Variants in ST6GALNAC3 observed in about 807,000 individuals in gnomAD.
The protein encoded by ST6GALNAC3 is ST6 N-acetylgalactosaminide alpha-2,6-sialyltransferase 3.
Under a neutral mutation model 32.7 loss-of-function variants are expected in ST6GALNAC3, and 25 were observed. The ratio of observed to expected loss-of-function variants is 0.76; its 90% confidence interval spans 0.56 to 1.07. The LOEUF is 1.07. Among genes scored for constraint, ST6GALNAC3 ranks in the 50% least tolerant of loss-of-function variants. The pLI is 0.00. For synonymous variants in ST6GALNAC3, 129 were observed against 133.1 expected (o/e 0.97, Z 0.21); for missense variants, 355 against 382.4 (o/e 0.93, Z 0.60).
chr1:76,282,211 A>G (rs1436859248), intron 1 of ST6GALNAC3, among the ~76,000 whole-genome samples: 1 of 151,790 alleles, frequency 6.6e-6, no homozygotes, highest in Non-Finnish European at 1.5e-5. Flanking sequence ...GAGACTGGTT[A>G]TATTAAGCTT....
intron 1 of ST6GALNAC3, among the ~76,000 whole-genome samples, chr1:76,111,874 A>G (rs1268550305): frequency 1.3e-5 from 2 of 152,036 alleles, no homozygotes; most frequent in Admixed American, 6.5e-5. Context: ...TGATTTCTCA[A>G]TCTTTTCCCC....
At chr1:76,233,805 T>C (rs1357779384) in intron 1 of ST6GALNAC3, among the ~76,000 whole-genome samples, 3 of 152,186 alleles carry the variant, frequency 2.0e-5, no homozygotes, top group Non-Finnish European at 2.9e-5. Context: ...AGTGGTGAAG[T>C]CTGGGAGGAA....
intron 1 of ST6GALNAC3, among the ~76,000 whole-genome samples, chr1:76,208,409 G>T (rs1570439694): frequency 6.6e-6 from 1 of 152,224 alleles, no homozygotes; most frequent in Admixed American, 6.5e-5. Context: ...TTGGTTAGAA[G>T]ATTAAAGTCT....
intron 1 of ST6GALNAC3, among the ~76,000 whole-genome samples, chr1:76,106,562 A>G (rs866091443): frequency 6.6e-6 from 1 of 152,022 alleles, no homozygotes; most frequent in African/African-American, 2.4e-5. Context: ...TTTGTGTAGG[A>G]ATTGGATGGT....
At chr1:76,130,986 C>T (rs1425411890) in intron 1 of ST6GALNAC3, among the ~76,000 whole-genome samples, 1 of 152,158 alleles carries the variant, frequency 6.6e-6, no homozygotes, top group African/African-American at 2.4e-5. Flanking sequence ...GAGAAGTGCC[C>T]CATTTGAAGG....
intron 3 of ST6GALNAC3, among the ~76,000 whole-genome samples, chr1:76,602,865 A>G (rs1247931310): frequency 6.6e-6 from 1 of 152,156 alleles, no homozygotes; most frequent in Non-Finnish European, 1.5e-5. Flanking sequence ...AGCATAAAGC[A>G]CACCTAAAAA....
At chr1:76,261,277 G>T (rs1331606334) in intron 1 of ST6GALNAC3, among the ~76,000 whole-genome samples, 1 of 152,092 alleles carries the variant, frequency 6.6e-6, no homozygotes. Context: ...GCCTTTTGTT[G>T]ATTTGGATAT....
chr1:76,162,355 A>G (rs1446904634), intron 1 of ST6GALNAC3, among the ~76,000 whole-genome samples: 1 of 152,240 alleles, frequency 6.6e-6, no homozygotes, highest in Non-Finnish European at 1.5e-5. Flanking sequence ...CTGCACCATG[A>G]AATGCCATTC....
At chr1:76,079,941 A>C (rs909066571) in intron 1 of ST6GALNAC3, among the ~76,000 whole-genome samples, 2 of 152,146 alleles carry the variant, frequency 1.3e-5, no homozygotes, top group Admixed American at 1.3e-4. Context: ...AGGTATTACC[A>C]TGTACTGTCA....
chr1:76,298,423 G>C (rs1660535955), intron 1 of ST6GALNAC3, among the ~76,000 whole-genome samples: 1 of 151,924 alleles, frequency 6.6e-6, no homozygotes, highest in Admixed American at 6.6e-5. Flanking sequence ...CAGCATGCAG[G>C]GCTGAAATGT....
At chr1:76,473,718 A>G (rs543261810) in intron 3 of ST6GALNAC3, among the ~76,000 whole-genome samples, 2 of 152,222 alleles carry the variant, frequency 1.3e-5, no homozygotes, top group East Asian at 3.9e-4. Context: ...TTATCTTGTG[A>G]TGATCAGATG....
chr1:76,522,754 C>T (rs928847924), intron 3 of ST6GALNAC3, among the ~76,000 whole-genome samples: 4 of 152,038 alleles, frequency 2.6e-5, no homozygotes, highest in African/African-American at 4.8e-5. Flanking sequence ...ATGTGAAATT[C>T]GGAAGGTGGA....
chr1:76,607,791 C>T (rs898846920), intron 3 of ST6GALNAC3, among the ~76,000 whole-genome samples: 2 of 152,098 alleles, frequency 1.3e-5, no homozygotes, highest in Admixed American at 6.6e-5. Flanking sequence ...CTACCCACCC[C>T]GTAGCCCAGT....
intron 1 of ST6GALNAC3, among the ~76,000 whole-genome samples, chr1:76,264,855 G>A (rs565252333): frequency 2.2e-4 from 33 of 150,922 alleles, no homozygotes; most frequent in African/African-American, 7.3e-4. Flanking sequence ...AAACTGATTA[G>A]TGATAAAGCC....
chr1:76,550,735 C>G (rs927312150), intron 3 of ST6GALNAC3, among the ~76,000 whole-genome samples: 3 of 151,832 alleles, frequency 2.0e-5, no homozygotes. Flanking sequence ...GGATAAAAAG[C>G]TTTTGCCTGT....
At chr1:76,182,785 G>A (rs953076783) in intron 1 of ST6GALNAC3, among the ~76,000 whole-genome samples, 1 of 151,938 alleles carries the variant, frequency 6.6e-6, no homozygotes, top group African/African-American at 2.4e-5. Flanking sequence ...TATTTGAAGA[G>A]CATAAAGTCG....
chr1:76,540,194 A>G (rs1283819491), intron 3 of ST6GALNAC3, among the ~76,000 whole-genome samples: 1 of 152,170 alleles, frequency 6.6e-6, no homozygotes, highest in Non-Finnish European at 1.5e-5. Context: ...TACTGAGATC[A>G]TTTCCTTTGC....
intron 1 of ST6GALNAC3, among the ~76,000 whole-genome samples, chr1:76,279,983 C>CT (rs143335131): frequency 0.82 from 124,845 of 151,772 alleles, 51,604 homozygotes; most frequent in Admixed American, 0.89. Flanking sequence ...TCTCTCCTGT[C>CT]TCTCTCCTGT....
In ST6GALNAC3 at chr1:76,633,395, C is replaced by T. The variant is rs1364617825; in HGVS notation, c.*4589C>T. ...TGAAGGAACATATCCCATTGATTGT[C>T]TACACTTTCTTCTCTCTGTTTGTTG... On this transcript the variant is annotated 3_prime_UTR_variant, in exon 5 of 5. Transcript: ENST00000328299. 2 of 152,156 alleles carry T rather than the reference C, an allele frequency of 1.3e-5. No individual in the cohort carries two copies. Among genetic ancestry groups the T allele is most frequent in the African/African-American group, 2.4e-5 (1 of 41,428 alleles). The allele number at this position is 152,156 out of a possible 1,614,324, so 9.4% of individuals were successfully genotyped here.
Sources: gnomAD v4.1 joint callset for allele counts (sites outside exome capture counted in the v4.1 genomes callset) on GRCh38, gnomAD v4.1.1 for gene constraint, MANE v1.5 for transcripts, NCBI Gene and HGNC (gene_info 2026-07-23, HGNC 2026-07-21) for gene names.